LRPPRC: variants seen among roughly 807,000 people sequenced by gnomAD.
LRPPRC encodes leucine rich pentatricopeptide repeat containing, also known as leucine-rich PPR motif-containing protein, mitochondrial.
A neutral mutation model predicts 180.3 loss-of-function variants in LRPPRC; 120 were observed. That is an observed-to-expected ratio of 0.67 (90% confidence interval 0.57 to 0.77). LRPPRC has a LOEUF of 0.77. LRPPRC is among the 30% of genes least tolerant of loss of function. The pLI is 0.00. For missense variants in LRPPRC, 2,012 were observed against 1,657.2 expected, an observed-to-expected ratio of 1.21 and a Z score of -3.72; for synonymous variants, 723 against 600.0, an observed-to-expected ratio of 1.21 and a Z score of -3.00.
In LRPPRC at chr2:43,888,204, TAGAA is replaced by T. The variant is rs1670340879; in HGVS notation, c.*392_*395del. The T allele has an allele frequency of 4.9e-5, 12 of 245,450 alleles. No individual in the cohort carries two copies. In the South Asian group the frequency reaches 5.8e-4, roughly 12 times the overall value. 15.2% of individuals were successfully genotyped at this position (245,450 alleles called of 1,614,324 possible). On this transcript the variant is annotated 3_prime_UTR_variant, in exon 38 of 38. Coordinates refer to ENST00000260665, the MANE Select transcript of LRPPRC (RefSeq NM_133259.4). ...GGCTGTATCACAGAATATTATGCGTTAGAAAGTTCACGGTCACTATACCTAGCTC... is the reference window on the plus strand; with the variant it reads ...GGCTGTATCACAGAATATTATGCGTTAGTTCACGGTCACTATACCTAGCTC...
At position 43,995,978 on chromosome 2, in the gene LRPPRC, C is replaced by T. The variant is rs1313977362; in HGVS notation, c.-31G>A. ...GAACGTCCCCGCAGCGGGAAGCACG[C>T]TCCGCCAGAAGGACAGGAGGAGCAT... is the stretch of plus-strand genomic sequence containing the variant. On this transcript the variant is annotated 5_prime_UTR_variant, in exon 1 of 38. Transcript: ENST00000260665. The T allele has an allele frequency of 2.6e-6, 4 of 1,523,336 alleles. No individual in the cohort carries two copies. The allele number at this position is 1,523,336 out of a possible 1,614,324, so 94.4% of individuals were successfully genotyped here.
intron 29 of LRPPRC, among the ~76,000 whole-genome samples, chr2:43,915,177 C>T (rs1236208275): frequency 1.4e-5 from 2 of 143,262 alleles, no homozygotes; most frequent in Admixed American, 7.3e-5. Flanking sequence ...CACTGCACTC[C>T]GGCCTGGGCA....
At chr2:43,972,178 G>A (rs188882921) in intron 11 of LRPPRC, among the ~76,000 whole-genome samples, 14 of 152,288 alleles carry the variant, frequency 9.2e-5, no homozygotes, top group South Asian at 2.1e-4. Flanking sequence ...ACACCTAGAC[G>A]TGGAAGCTAA....
chr2:43,916,378 G>A (rs768063934), intron 29 of LRPPRC, among the ~76,000 whole-genome samples: 17 of 152,062 alleles, frequency 1.1e-4, no homozygotes, highest in Admixed American at 3.9e-4. Flanking sequence ...GTTAAAGACG[G>A]TCATAAAAAA....
intron 36 of LRPPRC, among the ~76,000 whole-genome samples, chr2:43,891,696 C>T (rs926964194): frequency 6.6e-6 from 1 of 152,104 alleles, no homozygotes; most frequent in African/African-American, 2.4e-5. Flanking sequence ...GAAATTAGGC[C>T]AATTAAAAAC....
chr2:43,960,434 A>G, intron 13 of LRPPRC, 107 bp downstream of exon 13: 1 of 753,362 alleles, frequency 1.3e-6, no homozygotes, highest in East Asian at 2.5e-5. Flanking sequence ...TGGCTTTAAC[A>G]AAACATATAA....
chr2:43,904,006 C>G (rs1319997528), intron 31 of LRPPRC: 1 of 152,188 alleles, frequency 6.6e-6, no homozygotes, highest in Non-Finnish European at 1.5e-5. Flanking sequence ...GCAGTGGCAC[C>G]ATCATGGCTC....
At chr2:43,889,559 C>T (rs1670406013) in intron 37 of LRPPRC, among the ~76,000 whole-genome samples, 175 bp downstream of exon 37, 1 of 152,000 alleles carries the variant, frequency 6.6e-6, no homozygotes, top group African/African-American at 2.4e-5. Flanking sequence ...GAGCTATGTT[C>T]TCCGACTGCC....
chr2:43,947,253 T>C lies in LRPPRC; in HGVS notation c.2079+4A>G. On this transcript the variant is annotated splice_donor_region_variant and intron_variant, in intron 20 of 37. Transcript: ENST00000260665. The stretch of plus-strand genomic sequence containing the variant: ...TAATATTTAAATATTAAAACAAATG[T>C]TACCTCTTCTGAACAAAGCACTAAT... 2.1e-6 allele frequency: 3 copies of C among 1,432,874 alleles called. No individual in the cohort carries two copies. The highest frequency in any genetic ancestry group is 1.2e-5 in the South Asian group (1 of 83,320). The allele number at this position is 1,432,874 out of a possible 1,614,324, so 88.8% of individuals were successfully genotyped here.
intron 17 of LRPPRC, 31 bp from the exon 18 acceptor site, chr2:43,948,230 C>A (rs775300879): frequency 4.7e-5 from 60 of 1,264,588 alleles, no homozygotes; most frequent in Non-Finnish European, 6.5e-5. Flanking sequence ...GGGGAAAAAA[C>A]CTGAGTTTTA....
chr2:43,941,839 A>T (rs1354789875), intron 23 of LRPPRC, among the ~76,000 whole-genome samples: 5 of 44,938 alleles, frequency 1.1e-4, no homozygotes, highest in Admixed American at 6.5e-4. Flanking sequence ...AAGTAGTCTA[A>T]AAAAAAAAAA....
intron 11 of LRPPRC, among the ~76,000 whole-genome samples, chr2:43,971,468 C>T (rs1233946061): frequency 2.1e-5 from 2 of 96,466 alleles, no homozygotes. Context: ...TCAGGACCTC[C>T]TGAGGCTGTG....
At chr2:43,964,080 AAAGAG>A (rs1034771015) in intron 11 of LRPPRC, among the ~76,000 whole-genome samples, 1 of 152,360 alleles carries the variant, frequency 6.6e-6, no homozygotes, top group Non-Finnish European at 1.5e-5. Flanking sequence ...TAAATGCTGC[AAAGAG>A]AAGTGACTGA....
intron 30 of LRPPRC, among the ~76,000 whole-genome samples, chr2:43,910,136 A>G (rs1671205453): frequency 6.6e-6 from 1 of 152,104 alleles, no homozygotes; most frequent in East Asian, 1.9e-4. Context: ...ATTGGCTGCA[A>G]TTGCAGTTTT....
At chr2:43,959,153 G>A (rs899689803) in intron 13 of LRPPRC, 61 of 710,932 alleles carry the variant, frequency 8.6e-5, no homozygotes, top group Non-Finnish European at 1.5e-4. Flanking sequence ...AGCTCTCATG[G>A]ATCCACCTCG....
At chr2:43,966,839 T>A (rs1673583128) in intron 11 of LRPPRC, among the ~76,000 whole-genome samples, 1 of 149,636 alleles carries the variant, frequency 6.7e-6, no homozygotes, top group Admixed American at 6.6e-5. Context: ...TCACCTGAAG[T>A]CAGGAGTTTG....
chr2:43,953,789 A>C (rs997268757), intron 14 of LRPPRC, among the ~76,000 whole-genome samples: 1 of 152,210 alleles, frequency 6.6e-6, no homozygotes, highest in Non-Finnish European at 1.5e-5. Context: ...TAATCCAATC[A>C]CTAAAAACAA....
chr2:43,980,925 CAG>C (rs912568395), intron 2 of LRPPRC, among the ~76,000 whole-genome samples: 2 of 152,040 alleles, frequency 1.3e-5, no homozygotes, highest in Admixed American at 6.6e-5. Context: ...ATAAATAAGT[CAG>C]AGAGAGAATG....
At chr2:43,990,243 T>C (rs754415695) in intron 1 of LRPPRC, among the ~76,000 whole-genome samples, 28 of 152,010 alleles carry the variant, frequency 1.8e-4, no homozygotes, top group African/African-American at 2.7e-4. Flanking sequence ...GTAATCAGCA[T>C]CTATTCTAAA....
Sources: allele counts gnomAD v4.1 joint callset (sites outside exome capture counted in the v4.1 genomes callset), GRCh38; gene constraint gnomAD v4.1.1; transcripts MANE v1.5; gene names NCBI Gene and HGNC (gene_info 2026-07-23, HGNC 2026-07-21).